The following GTF2IRD1 variants were observed in gnomAD, a reference collection of about 807,000 sequenced individuals.
GTF2IRD1 encodes GTF2I repeat domain containing 1.
A neutral mutation model predicts 113.2 loss-of-function variants in GTF2IRD1; 26 were observed. The observed-to-expected ratio is 0.23, with a 90% CI of 0.17 to 0.32. The LOEUF is 0.32. Ranked by LOEUF, GTF2IRD1 falls within the 10% of genes least tolerant of loss-of-function variation. The pLI, the probability that GTF2IRD1 is intolerant of heterozygous loss-of-function variation, is 1.00. For synonymous variants in GTF2IRD1, 484 were observed against 529.1 expected, an observed-to-expected ratio of 0.91 and a Z score of 1.17; for missense variants, 864 against 1,280.8, an observed-to-expected ratio of 0.67 and a Z score of 4.97.
At chr7:74,536,528 C>A (rs1798307178) in intron 11 of GTF2IRD1, among the ~76,000 whole-genome samples, 1 of 152,186 alleles carries the variant, frequency 6.6e-6, no homozygotes, top group Non-Finnish European at 1.5e-5. Context: ...CCACACTAGG[C>A]CAGGTGCGGT....
chr7:74,540,906 C>T (rs756652717), intron 14 of GTF2IRD1, among the ~76,000 whole-genome samples: 2 of 151,918 alleles, frequency 1.3e-5, no homozygotes, highest in African/African-American at 2.4e-5. Context: ...GGATTACAGG[C>T]GCCCGCCACC....
chr7:74,595,058 C>CAG lies in GTF2IRD1; in HGVS notation c.2629+10_2629+11dup. The CAG allele has an allele frequency of 6.3e-7, 1 of 1,598,850 alleles. No individual in the cohort carries two copies. Among genetic ancestry groups the CAG allele is most frequent in the Non-Finnish European group, 8.6e-7 (1 of 1,167,530 alleles). ...AATGATGCCAAGGTGCCAGGTGAGT[C>CAG]AGAGGTGAAGAAGCCACCCTTCTGC... On this transcript the variant is annotated splice_region_variant and intron_variant, in intron 25 of 26. Transcript: ENST00000424337.
chr7:74,500,233 A>G lies in GTF2IRD1; in HGVS notation c.-6-7842A>G, dbSNP rs574548779. Among the ~76,000 whole-genome samples, 224 of 152,240 alleles carry G rather than the reference A, an allele frequency of 1.5e-3. 8 individuals are homozygous for G. In the South Asian group the frequency reaches 0.044, roughly 30 times the overall value. On this transcript the variant is annotated intron_variant, in intron 1 of 26. Transcript: ENST00000424337. The stretch of plus-strand genomic sequence containing the variant: ...CAGCACGCTTCCCCTCCCGAGCCTT[A>G]GCCTCCCCAGATGTAACATGGATTA...
chr7:74,462,406 A>C (rs1272610319), intron 1 of GTF2IRD1, among the ~76,000 whole-genome samples: 1 of 152,174 alleles, frequency 6.6e-6, no homozygotes, highest in Non-Finnish European at 1.5e-5. Flanking sequence ...ATGGTTTTCC[A>C]TTTGTACAAT....
chr7:74,475,543 G>A (rs1794351045), intron 1 of GTF2IRD1, among the ~76,000 whole-genome samples: 3 of 152,172 alleles, frequency 2.0e-5, no homozygotes, highest in Non-Finnish European at 2.9e-5. Flanking sequence ...GTACCCTAGG[G>A]AGGGGAGGGT....
chr7:74,542,856 C>T (rs1293460657), intron 14 of GTF2IRD1, among the ~76,000 whole-genome samples: 2 of 152,212 alleles, frequency 1.3e-5, no homozygotes, highest in African/African-American at 4.8e-5. Flanking sequence ...GGTTGGGGGC[C>T]TTGGATGAGC....
At chr7:74,545,049 A>C (rs1798842801) in intron 15 of GTF2IRD1, among the ~76,000 whole-genome samples, 1 of 152,122 alleles carries the variant, frequency 6.6e-6, no homozygotes, top group Admixed American at 6.6e-5. Flanking sequence ...GGAAAATTGC[A>C]AGCCTTTGTT....
At chr7:74,470,779 C>T (rs1433291464) in intron 1 of GTF2IRD1, among the ~76,000 whole-genome samples, 3 of 152,016 alleles carry the variant, frequency 2.0e-5, no homozygotes, top group African/African-American at 4.8e-5. Flanking sequence ...CTGGAAAGGC[C>T]GCTTCCAACC....
At chr7:74,522,682 A>G (rs1404259762) in intron 7 of GTF2IRD1, among the ~76,000 whole-genome samples, 1 of 152,216 alleles carries the variant, frequency 6.6e-6, no homozygotes, top group East Asian at 1.9e-4. Context: ...GAACAGTATC[A>G]TGACAGGCCC....
At chr7:74,585,488 G>A (rs587757771) in intron 22 of GTF2IRD1, among the ~76,000 whole-genome samples, 3 of 152,212 alleles carry the variant, frequency 2.0e-5, no homozygotes, top group South Asian at 2.1e-4. Context: ...TTTGAGTCTC[G>A]CTCTGTCCCG....
intron 1 of GTF2IRD1, among the ~76,000 whole-genome samples, chr7:74,476,035 G>A (rs1416974609): frequency 6.6e-6 from 1 of 152,204 alleles, no homozygotes; most frequent in Admixed American, 6.5e-5. Context: ...CCAGGTACCC[G>A]ATAACGGATA....
intron 22 of GTF2IRD1, among the ~76,000 whole-genome samples, chr7:74,576,592 T>A (rs1275316706): frequency 2.2e-5 from 3 of 138,756 alleles, no homozygotes; most frequent in Non-Finnish European, 4.7e-5. Flanking sequence ...TTCTGGAGGC[T>A]CTAGGGGAAA....
chr7:74,460,356 A>G (rs1704471114), intron 1 of GTF2IRD1, among the ~76,000 whole-genome samples: 1 of 151,954 alleles, frequency 6.6e-6, no homozygotes, highest in African/African-American at 2.4e-5. Context: ...TGCAACCTCC[A>G]ACTCCTGGGC....
At chr7:74,575,885 C>A (rs979777028) in intron 22 of GTF2IRD1, among the ~76,000 whole-genome samples, 1 of 152,044 alleles carries the variant, frequency 6.6e-6, no homozygotes, top group South Asian at 2.1e-4. Context: ...GTATTTCAAG[C>A]CTTAAAACAG....
intron 14 of GTF2IRD1, among the ~76,000 whole-genome samples, chr7:74,544,030 CAG>C (rs1798782940): frequency 6.6e-6 from 1 of 152,120 alleles, no homozygotes; most frequent in Admixed American, 6.6e-5. Context: ...TCCTGGGCAA[CAG>C]AGCAAGACCC....
intron 22 of GTF2IRD1, among the ~76,000 whole-genome samples, chr7:74,579,567 C>G (rs1357762135): frequency 6.7e-6 from 1 of 150,250 alleles, no homozygotes; most frequent in East Asian, 2.0e-4. Context: ...GCAGTGAGCC[C>G]AGATCACGCC....
intron 26 of GTF2IRD1, 114 bp downstream of exon 26, chr7:74,601,294 T>G (rs1562907816): frequency 4.5e-6 from 7 of 1,547,042 alleles, no homozygotes; most frequent in Non-Finnish European, 6.1e-6. Flanking sequence ...GCACTGGGCT[T>G]TGAGTGGGGA....
chr7:74,527,531 A>G (rs904067583), intron 8 of GTF2IRD1, among the ~76,000 whole-genome samples: 1 of 152,080 alleles, frequency 6.6e-6, no homozygotes, highest in Non-Finnish European at 1.5e-5. Flanking sequence ...TTAGGAACAT[A>G]GTAGGTGCTT....
chr7:74,506,634 T>G (rs1796309529), intron 1 of GTF2IRD1: 1 of 152,068 alleles, frequency 6.6e-6, no homozygotes, highest in Non-Finnish European at 1.5e-5. Context: ...GTCTCTGCCT[T>G]CTTTGCTTGG....
Sources: gnomAD v4.1 joint callset for allele counts (sites outside exome capture counted in the v4.1 genomes callset) on GRCh38, gnomAD v4.1.1 for gene constraint, MANE v1.5 for transcripts, NCBI Gene and HGNC (gene_info 2026-07-23, HGNC 2026-07-21) for gene names.